The following DNAJB4 variants were observed in gnomAD, a reference collection of about 807,000 sequenced individuals.
DNAJB4 encodes DnaJ heat shock protein family (Hsp40) member B4, also known as dnaJ homolog subfamily B member 4.
A neutral mutation model predicts 26.6 loss-of-function variants in DNAJB4; 10 were observed. The ratio of observed to expected loss-of-function variants is 0.38; its 90% confidence interval spans 0.23 to 0.64. The LOEUF (loss-of-function observed/expected upper bound fraction) is 0.64, where lower values mean the gene tolerates loss of function less well. Ranked by LOEUF, DNAJB4 falls within the 30% of genes least tolerant of loss-of-function variation. DNAJB4 has a pLI of 0.58. For synonymous variants in DNAJB4, 136 were observed against 134.8 expected (o/e 1.01, Z -0.06); for missense variants, 328 against 408.2 (o/e 0.80, Z 1.69).
chr1:77,986,438 T>A (rs1659792728), intron 1 of DNAJB4, among the ~76,000 whole-genome samples: 2 of 152,206 alleles, frequency 1.3e-5, no homozygotes, highest in South Asian at 4.1e-4. Context: ...CTAATGTACT[T>A]CTTCCGTTCC....
chr1:77,988,031 TTC>T (rs1491147942), intron 1 of DNAJB4, among the ~76,000 whole-genome samples: 11 of 129,474 alleles, frequency 8.5e-5, no homozygotes, highest in Admixed American at 2.3e-4. Context: ...GTGTGTGTAT[TTC>T]CCCCCCCCCC....
chr1:77,979,719 G>A (rs1283002497), upstream of DNAJB4: 1 of 152,204 alleles, frequency 6.6e-6, no homozygotes, highest in Admixed American at 6.5e-5. Flanking sequence ...GTTAGTTCTC[G>A]ACCATATTTT....
At chr1:77,996,940 TC>T (rs1454582214) in intron 1 of DNAJB4, among the ~76,000 whole-genome samples, 1 of 152,154 alleles carries the variant, frequency 6.6e-6, no homozygotes, top group Non-Finnish European at 1.5e-5. Flanking sequence ...TCTCAAGTGA[TC>T]CTCTAGAGTA....
At chr1:77,982,487 A>T (rs934320776) in intron 1 of DNAJB4, among the ~76,000 whole-genome samples, 3 of 152,198 alleles carry the variant, frequency 2.0e-5, no homozygotes, top group Admixed American at 6.5e-5. Context: ...CCTTTTATTT[A>T]TTCAGTGGTT....
intron 1 of DNAJB4, among the ~76,000 whole-genome samples, chr1:78,010,990 CTGTT>C (rs1444217358): frequency 6.6e-6 from 1 of 152,178 alleles, no homozygotes; most frequent in Non-Finnish European, 1.5e-5. Context: ...AAATCACTCA[CTGTT>C]TGGAGATATT....
At chr1:77,994,089 T>G (rs1660003919) in intron 1 of DNAJB4, among the ~76,000 whole-genome samples, 1 of 152,156 alleles carries the variant, frequency 6.6e-6, no homozygotes, top group African/African-American at 2.4e-5. Flanking sequence ...TAGTTAAAGT[T>G]TGGTACTGAT....
At chr1:77,987,075 C>CA (rs768616422) in intron 1 of DNAJB4, among the ~76,000 whole-genome samples, 6 of 152,184 alleles carry the variant, frequency 3.9e-5, no homozygotes, top group Non-Finnish European at 8.8e-5. Context: ...CTTACTCTAT[C>CA]AAGTGTCATA....
chr1:78,013,441 C>G lies in DNAJB4; in HGVS notation c.602C>G (p.Thr201Ser), dbSNP rs576624259. Residue 201 changes from threonine to serine, a missense_variant, in exon 2 of 3, where the codon ACC becomes AGC. Transcript: ENST00000370763. ...RSYRSEDKIL[T>S]IEIKKGWKEG... ...TACAGATCTGAGGACAAAATTCTTA[C>G]CATTGAGATTAAAAAAGGGTGGAAA... 30 of 1,614,028 alleles carry G rather than the reference C, an allele frequency of 1.9e-5. No individual in the cohort carries two copies. The highest frequency in any genetic ancestry group is 1.6e-4 in the South Asian group (15 of 91,052).
chr1:78,001,027 G>A (rs1660179511), upstream of DNAJB4, among the ~76,000 whole-genome samples: 2 of 151,604 alleles, frequency 1.3e-5, no homozygotes, highest in Admixed American at 1.3e-4. Flanking sequence ...CAAGCACCCT[G>A]GTTTATGCCT....
chr1:78,010,406 T>C (rs534785971), intron 1 of DNAJB4, among the ~76,000 whole-genome samples: 2 of 152,164 alleles, frequency 1.3e-5, no homozygotes, highest in African/African-American at 4.8e-5. Flanking sequence ...TGCCATTACC[T>C]TTTTAACATT....
At chr1:77,991,008 A>G (rs1181867071) in intron 1 of DNAJB4, among the ~76,000 whole-genome samples, 1 of 151,932 alleles carries the variant, frequency 6.6e-6, no homozygotes, top group Non-Finnish European at 1.5e-5. Context: ...TGTGTAATAC[A>G]GTGGAGATAT....
chr1:78,004,115 C>T (rs1660259166), upstream of DNAJB4, among the ~76,000 whole-genome samples: 1 of 152,096 alleles, frequency 6.6e-6, no homozygotes, highest in Admixed American at 6.6e-5. Context: ...CTGTCTGTAA[C>T]CTGATACTTT....
chr1:77,998,044 G>C (rs1451774933), intron 1 of DNAJB4, among the ~76,000 whole-genome samples: 1 of 152,052 alleles, frequency 6.6e-6, no homozygotes, highest in Non-Finnish European at 1.5e-5. Flanking sequence ...CAAAGTGCTG[G>C]GATTACAGGC....
At chr1:77,983,071 G>A (rs148565881) in intron 1 of DNAJB4, among the ~76,000 whole-genome samples, 10 of 152,210 alleles carry the variant, frequency 6.6e-5, no homozygotes, top group Admixed American at 6.5e-4. Flanking sequence ...GGTGTTTCTC[G>A]AAGAGGGGGA....
At chr1:77,998,085 A>C (rs1660107613) in intron 1 of DNAJB4, among the ~76,000 whole-genome samples, 1 of 152,116 alleles carries the variant, frequency 6.6e-6, no homozygotes, top group Non-Finnish European at 1.5e-5. Flanking sequence ...CTGTTTGACT[A>C]TCTTTAAAGC....
chr1:78,001,008 T>G (rs1660179014), upstream of DNAJB4, among the ~76,000 whole-genome samples: 1 of 150,496 alleles, frequency 6.6e-6, no homozygotes, highest in South Asian at 2.1e-4. Context: ...AAAAAGAAAT[T>G]TCAGGGTCCA....
chr1:78,006,941 C>T (rs1267295262), intron 1 of DNAJB4, among the ~76,000 whole-genome samples: 1 of 152,226 alleles, frequency 6.6e-6, no homozygotes, highest in Non-Finnish European at 1.5e-5. Flanking sequence ...CAACAATTCA[C>T]TGATAGCTCA....
At chr1:77,983,040 A>G (rs902086143) in intron 1 of DNAJB4, among the ~76,000 whole-genome samples, 6 of 152,182 alleles carry the variant, frequency 3.9e-5, no homozygotes, top group Non-Finnish European at 7.3e-5. Context: ...GAGTTCCCTT[A>G]GTATTTATTG....
intron 1 of DNAJB4, among the ~76,000 whole-genome samples, chr1:77,996,607 C>T (rs763662612): frequency 7.9e-5 from 12 of 151,632 alleles, no homozygotes; most frequent in Non-Finnish European, 1.3e-4. Context: ...TTTTAAAGAC[C>T]ACTAGACAAA....
Sources: gnomAD v4.1 joint callset for allele counts (sites outside exome capture counted in the v4.1 genomes callset) on GRCh38, gnomAD v4.1.1 for gene constraint, MANE v1.5 for transcripts, NCBI Gene and HGNC (gene_info 2026-07-23, HGNC 2026-07-21) for gene names.